The following ARHGAP15 variants were observed in gnomAD, a reference collection of about 807,000 sequenced individuals.
ARHGAP15 encodes the protein rho GTPase-activating protein 15.
A neutral mutation model predicts 63.7 loss-of-function variants in ARHGAP15; 51 were observed. The ratio of observed to expected loss-of-function variants is 0.80; its 90% confidence interval spans 0.64 to 1.01. The LOEUF (loss-of-function observed/expected upper bound fraction) is 1.01, where lower values mean the gene tolerates loss of function less well. Ranked by LOEUF, ARHGAP15 falls within the 50% of genes least tolerant of loss-of-function variation. The pLI is 0.00. For missense variants in ARHGAP15, 560 were observed against 564.6 expected (o/e 0.99, Z 0.08); for synonymous variants, 191 against 193.8 (o/e 0.99, Z 0.12).
intron 6 of ARHGAP15, among the ~76,000 whole-genome samples, chr2:143,423,580 C>T (rs1355308702): frequency 6.6e-6 from 1 of 152,048 alleles, no homozygotes; most frequent in Non-Finnish European, 1.5e-5. Context: ...TTAGTACAAA[C>T]TGCTGGAGGG....
Position 143,437,050 on chromosome 2 carries a change from T to A in ARHGAP15, c.703+8T>A, listed in dbSNP as rs1471460671. On this transcript the variant is annotated splice_region_variant and intron_variant, in intron 8 of 13. Transcript: ENST00000295095. ...AGCACAGAAAATCTTTAAGTGAGTA[T>A]TTTCTTTGACTTGCTCATTTTAAGT... 3.1e-6 allele frequency: 5 copies of A among 1,590,058 alleles called. No homozygotes were observed. Among genetic ancestry groups the A allele is most frequent in the South Asian group, 1.2e-5 (1 of 85,940 alleles).
intron 13 of ARHGAP15, among the ~76,000 whole-genome samples, chr2:143,721,832 G>A (rs991926383): frequency 3.3e-5 from 5 of 152,028 alleles, no homozygotes; most frequent in African/African-American, 9.7e-5. Context: ...AACTACAGGC[G>A]CCCACCACTG....
intron 11 of ARHGAP15, among the ~76,000 whole-genome samples, chr2:143,580,022 T>G (rs1281843689): frequency 6.8e-6 from 1 of 147,190 alleles, no homozygotes; most frequent in Non-Finnish European, 1.5e-5. Context: ...GAAAGAACAC[T>G]GAGAGCTGAA....
At chr2:143,685,688 G>C (rs892553537) in intron 12 of ARHGAP15, among the ~76,000 whole-genome samples, 1 of 152,112 alleles carries the variant, frequency 6.6e-6, no homozygotes, top group Non-Finnish European at 1.5e-5. Flanking sequence ...AATGCTTCCC[G>C]TCAAGCCATT....
chr2:143,179,183 T>C (rs974413826), intron 2 of ARHGAP15, among the ~76,000 whole-genome samples: 6 of 152,240 alleles, frequency 3.9e-5, no homozygotes, highest in African/African-American at 1.4e-4. Flanking sequence ...CAGCTTCTAC[T>C]ATTTACTGAG....
chr2:143,595,247 T>C (rs950471529), intron 11 of ARHGAP15, among the ~76,000 whole-genome samples: 2 of 152,192 alleles, frequency 1.3e-5, no homozygotes, highest in African/African-American at 4.8e-5. Flanking sequence ...TCAGTTGCTG[T>C]CAGAGCAGCT....
intron 6 of ARHGAP15, among the ~76,000 whole-genome samples, chr2:143,407,448 G>A (rs1250094062): frequency 6.6e-6 from 1 of 151,772 alleles, no homozygotes; most frequent in Non-Finnish European, 1.5e-5. Flanking sequence ...TTTCATCTAT[G>A]TAGTGGTTTA....
chr2:143,638,499 G>T (rs1268030335), intron 12 of ARHGAP15, among the ~76,000 whole-genome samples: 11 of 112,226 alleles, frequency 9.8e-5, no homozygotes, highest in African/African-American at 2.0e-4. Context: ...TGGGGACTGT[G>T]GTGGGGTGGG....
intron 12 of ARHGAP15, among the ~76,000 whole-genome samples, chr2:143,663,853 CAAG>C (rs1681984369): frequency 6.6e-6 from 1 of 152,148 alleles, no homozygotes; most frequent in Non-Finnish European, 1.5e-5. Context: ...ATCAATTCAA[CAAG>C]AAGAACTAAC....
chr2:143,754,196 C>T (rs1478536282), intron 13 of ARHGAP15, among the ~76,000 whole-genome samples: 1 of 152,134 alleles, frequency 6.6e-6, no homozygotes, highest in Admixed American at 6.6e-5. Context: ...GAAAGGATAT[C>T]CATTAATACA....
intron 13 of ARHGAP15, among the ~76,000 whole-genome samples, chr2:143,713,497 A>C (rs1023614017): frequency 6.6e-6 from 1 of 152,154 alleles, no homozygotes; most frequent in Non-Finnish European, 1.5e-5. Flanking sequence ...ATGTCCTCAT[A>C]TATCAAAACC....
intron 12 of ARHGAP15, among the ~76,000 whole-genome samples, chr2:143,624,896 T>A (rs1698776400): frequency 8.4e-6 from 1 of 118,758 alleles, no homozygotes; most frequent in African/African-American, 2.6e-5. Context: ...GAAGCTTCCT[T>A]TTCTGTTTTT....
At chr2:143,521,567 T>C (rs964484037) in intron 10 of ARHGAP15, among the ~76,000 whole-genome samples, 79 of 152,306 alleles carry the variant, frequency 5.2e-4, no homozygotes, top group African/African-American at 1.8e-3. Flanking sequence ...TCTCTCAGCA[T>C]GGCTGGGACT....
rs1479520862 is a variant in ARHGAP15 at position 143,487,410 on chromosome 2, C to A, written c.741C>A (p.Asp247Glu). The stretch of plus-strand genomic sequence containing the variant: ...ATCACAGTGCTTCCGATACAAGCGA[C>A]AAAAATCGAGTTAAAAGCAGATTAA... ...RLHHSASDTS[D>E]KNRVKSRLKK... is the part of the protein sequence containing the mutation. Residue 247 changes from aspartate (D) to glutamate (E), a missense_variant, in exon 9 of 14, where the codon GAC (aspartate) becomes GAA (glutamate). By Grantham distance (45) the Asp-to-Glu change is conservative. Transcript: ENST00000295095. The A allele has an allele frequency of 2.5e-6, 4 of 1,613,602 alleles. No homozygotes were observed. Among genetic ancestry groups the A allele is most frequent in the Non-Finnish European group, 3.4e-6 (4 of 1,179,804 alleles).
intron 11 of ARHGAP15, among the ~76,000 whole-genome samples, chr2:143,605,916 G>A (rs1409882059): frequency 7.0e-6 from 1 of 143,764 alleles, no homozygotes; most frequent in Non-Finnish European, 1.5e-5. Context: ...TTTGCCTGTA[G>A]TTCCAGCTAC....
intron 3 of ARHGAP15, among the ~76,000 whole-genome samples, chr2:143,206,720 T>C (rs537741234): frequency 1.3e-5 from 2 of 152,114 alleles, no homozygotes; most frequent in Non-Finnish European, 2.9e-5. Context: ...ACACTGTAGT[T>C]CTCCAATAAA....
intron 13 of ARHGAP15, among the ~76,000 whole-genome samples, chr2:143,711,028 G>A (rs1684557616): frequency 1.3e-5 from 2 of 152,222 alleles, no homozygotes; most frequent in South Asian, 4.1e-4. Context: ...TGGCCCACAG[G>A]CCACACTCAG....
At chr2:143,219,159 A>T (rs1279629469) in intron 4 of ARHGAP15, among the ~76,000 whole-genome samples, 1 of 152,234 alleles carries the variant, frequency 6.6e-6, no homozygotes, top group Non-Finnish European at 1.5e-5. Context: ...CCATAAGATT[A>T]TAAAACTGAT....
chr2:143,673,748 GTGTGTGTGTGTATATATATA>G lies in ARHGAP15; in HGVS notation c.1139-29669_1139-29650del, dbSNP rs1434856332. Among the ~76,000 whole-genome samples, 6 of 34,148 alleles carry G rather than the reference GTGTGTGTGTGTATATATATA, an allele frequency of 1.8e-4. 1 individual carries two copies. The Admixed American group carries it at 2.0e-3, about 12-fold the overall frequency. 22.4% of individuals were successfully genotyped at this position (34,148 alleles called of 152,430 possible). A position where few individuals can be genotyped will look rare whatever the true frequency, so the allele number is the denominator to read the frequency against. On this transcript the variant is annotated intron_variant, in intron 12 of 13. Coordinates refer to ENST00000295095, the MANE Select transcript of ARHGAP15 (RefSeq NM_018460.4). ...TGTGTGTGTGTGTGTGTGTGTGTGT[GTGTGTGTGTGTATATATATA>G]TATATATATATATATAAACAACTCC... is the stretch of plus-strand genomic sequence containing the variant.
Sources: gnomAD v4.1 joint callset for allele counts (sites outside exome capture counted in the v4.1 genomes callset) on GRCh38, gnomAD v4.1.1 for gene constraint, MANE v1.5 for transcripts, NCBI Gene and HGNC (gene_info 2026-07-23, HGNC 2026-07-21) for gene names.